The following GDAP2 variants were observed in gnomAD, a reference collection of about 807,000 sequenced individuals.
GDAP2 encodes ganglioside induced differentiation associated protein 2.
GDAP2 carries 51 observed loss-of-function variants against 67.0 expected under a neutral mutation model. That is an observed-to-expected ratio of 0.76 (90% CI 0.61 to 0.96). GDAP2 has a LOEUF of 0.96. GDAP2 is among the 40% of genes least tolerant of loss of function. The probability of loss-of-function intolerance (pLI) is 0.00; values close to 1 mark genes in which losing one functional copy is unlikely to be tolerated. For missense variants in GDAP2, 547 were observed against 588.3 expected (o/e 0.93, Z 0.73); for synonymous variants, 203 against 207.3 (o/e 0.98, Z 0.18).
In GDAP2 at chr1:117,873,618, T is replaced by C. The variant is rs569648328; in HGVS notation, c.1447-3002A>G. 8.5e-5 allele frequency among the ~76,000 whole-genome samples: 13 copies of C among 152,228 alleles called. No individual in the cohort carries two copies. The East Asian group carries it at 2.1e-3, about 25-fold the overall frequency. On this transcript the variant is annotated intron_variant, in intron 13 of 13. Coordinates refer to ENST00000369443, the MANE Select transcript of GDAP2 (RefSeq NM_017686.4). ...GCAGCTACCTACTGGTATCTCCATT[T>C]CAATGACTGATGGGGCATCTCAAAC... is the stretch of plus-strand genomic sequence containing the variant.
rs1648747580 is a variant in GDAP2 at position 117,883,627 on chromosome 1, C to A, written c.1108G>T (p.Ala370Ser). 4.4e-6 allele frequency: 7 copies of A among 1,593,906 alleles called. No individual in the cohort carries two copies. The highest frequency in any genetic ancestry group is 1.3e-5 in the African/African-American group (1 of 74,364). The change falls in exon 11 of 14, where the codon GCT (alanine) becomes TCT (serine). Residue 370 changes from alanine (A) to serine (S), a missense_variant and splice_region_variant. Coordinates refer to ENST00000369443, the MANE Select transcript of GDAP2 (RefSeq NM_017686.4). ...ATTACATGAATGAAATATAAGAGAG[C>A]CTAAAAGATAAAAGGGGAATAAAGG... ...IPVTLIDMDK[A>S]LLYFIHVMDH...
intron 13 of GDAP2, among the ~76,000 whole-genome samples, chr1:117,872,503 T>C (rs1648325237): frequency 1.3e-5 from 2 of 152,144 alleles, no homozygotes; most frequent in Admixed American, 1.3e-4. Flanking sequence ...TGGAATACTA[T>C]GTAGCCATAA....
chr1:117,892,862 T>C (rs889413482), intron 8 of GDAP2, among the ~76,000 whole-genome samples: 1 of 152,172 alleles, frequency 6.6e-6, no homozygotes, highest in African/African-American at 2.4e-5. Context: ...AATTCTGTCT[T>C]TGGAATTAGC....
At chr1:117,918,896 A>G (rs1650143155) in intron 2 of GDAP2, among the ~76,000 whole-genome samples, 160 bp from the exon 3 acceptor site, 1 of 149,644 alleles carries the variant, frequency 6.7e-6, no homozygotes, top group Non-Finnish European at 1.5e-5. Flanking sequence ...GACTTAAAAA[A>G]CAATCTGGCA....
At position 117,897,258 on chromosome 1, in the gene GDAP2, T is replaced by C. The variant is rs954685102; in HGVS notation, c.797-269A>G. ...ACCCTAGGAAGAAAAGAGTAGAATG[T>C]AGTCACACACAAAAAGACAGAAGTA... On this transcript the variant is annotated intron_variant, in intron 7 of 13. Coordinates refer to ENST00000369443, the MANE Select transcript of GDAP2 (RefSeq NM_017686.4). 4.6e-5 allele frequency among the ~76,000 whole-genome samples: 7 copies of C among 152,224 alleles called. No individual in the cohort carries two copies. The East Asian group carries it at 7.7e-4, about 17-fold the overall frequency.
rs780053191 is a variant in GDAP2 at position 117,881,818 on chromosome 1, T to C, written c.1302+5A>G. The C allele has an allele frequency of 6.8e-7, 1 of 1,478,620 alleles. No homozygotes were observed. The highest frequency in any genetic ancestry group is 1.7e-5 in the Admixed American group (1 of 59,764). The allele number at this position is 1,478,620 out of a possible 1,614,324, so 91.6% of individuals were successfully genotyped here. A position where few individuals can be genotyped will look rare whatever the true frequency, so the allele number is the denominator to read the frequency against. ...TAGATTTAACCAAAGAGAAAAATAC[T>C]GTACCTTTGAACGAAATGTGGGATG... On this transcript the variant is annotated splice_donor_5th_base_variant and intron_variant, in intron 12 of 13. Transcript: ENST00000369443.
chr1:117,886,591 T>C lies in GDAP2; in HGVS notation c.1093A>G (p.Ile365Val). 6.5e-7 allele frequency: 1 copy of C among 1,547,392 alleles called. No individual in the cohort carries two copies. The highest frequency in any genetic ancestry group is 8.9e-7 in the Non-Finnish European group (1 of 1,119,446). ...VVGRNIPVTL[I>V]DMDKALLYFI... Reference sequence around the variant, plus strand: ...TTATGGCTTACCTTGTCCATATCTATTAATGTTACAGGAATGTTTCTTCCA... The same window carrying C: ...TTATGGCTTACCTTGTCCATATCTACTAATGTTACAGGAATGTTTCTTCCA... The change falls in exon 10 of 14, where the codon ATA becomes GTA. Residue 365 changes from isoleucine to valine, a missense_variant. Ile to Val is a conservative substitution (Grantham distance 29). Coordinates refer to ENST00000369443, the MANE Select transcript of GDAP2 (RefSeq NM_017686.4).
chr1:117,873,172 T>C (rs1377537912), intron 13 of GDAP2, among the ~76,000 whole-genome samples: 1 of 152,206 alleles, frequency 6.6e-6, no homozygotes, highest in Non-Finnish European at 1.5e-5. Flanking sequence ...TTTCTATTTC[T>C]GGAAACAATC....
chr1:117,918,935 C>T (rs1335666775), intron 2 of GDAP2, among the ~76,000 whole-genome samples, 199 bp from the exon 3 acceptor site: 1 of 152,090 alleles, frequency 6.6e-6, no homozygotes, highest in Non-Finnish European at 1.5e-5. Context: ...ATTGTTATAA[C>T]CCTGAAACTC....
intron 4 of GDAP2, 42 bp from the exon 5 acceptor site, chr1:117,912,124 A>C: frequency 9.3e-7 from 1 of 1,070,240 alleles, no homozygotes; most frequent in Non-Finnish European, 1.5e-6. Flanking sequence ...TAGAAATATC[A>C]GTAATACATA....
intron 13 of GDAP2, chr1:117,877,397 C>A: frequency 1.2e-5 from 10 of 829,862 alleles, no homozygotes; most frequent in Non-Finnish European, 1.4e-5. Context: ...AAGTGTGTTA[C>A]TTTTTTTTTT....
At chr1:117,910,391 T>C (rs1005222153) in intron 5 of GDAP2, among the ~76,000 whole-genome samples, 1 of 152,138 alleles carries the variant, frequency 6.6e-6, no homozygotes, top group African/African-American at 2.4e-5. Flanking sequence ...GATAAAAAGA[T>C]AAGATCCCTG....
At chr1:117,898,251 A>ATAC (rs1458242555) in intron 7 of GDAP2, among the ~76,000 whole-genome samples, 2 of 152,238 alleles carry the variant, frequency 1.3e-5, no homozygotes, top group Non-Finnish European at 2.9e-5. Context: ...TTTCAAGGAT[A>ATAC]TACTATACTG....
Position 117,899,153 on chromosome 1 carries a change from A to G in GDAP2, c.700T>C (p.Leu234=). ...PRSLKEENRS[L]PYLPADIGNA... ...CCAATATCTGCAGGTAGGTAGGGCAATGATCGATTCTCCTCTTTTAATGAC... is the reference window on the plus strand; with the variant it reads ...CCAATATCTGCAGGTAGGTAGGGCAGTGATCGATTCTCCTCTTTTAATGAC... Residue 234 remains leucine, a synonymous_variant, in exon 7 of 14, where the codon TTG becomes CTG. Coordinates refer to ENST00000369443, the MANE Select transcript of GDAP2 (RefSeq NM_017686.4). The G allele has an allele frequency of 1.2e-6, 2 of 1,610,518 alleles. No individual in the cohort carries two copies. Among genetic ancestry groups the G allele is most frequent in the Non-Finnish European group, 1.7e-6 (2 of 1,176,746 alleles).
chr1:117,902,932 T>C (rs1225360800), intron 6 of GDAP2, among the ~76,000 whole-genome samples: 1 of 152,216 alleles, frequency 6.6e-6, no homozygotes, highest in East Asian at 1.9e-4. Context: ...TTTTTAACAT[T>C]TTCTTTCAAA....
At chr1:117,903,928 A>G (rs1649569839) in intron 6 of GDAP2, among the ~76,000 whole-genome samples, 1 of 152,156 alleles carries the variant, frequency 6.6e-6, no homozygotes, top group South Asian at 2.1e-4. Flanking sequence ...CTGAGTCTTC[A>G]GACAACAATA....
chr1:117,871,040 T>C lies in GDAP2; in HGVS notation c.1447-424A>G, dbSNP rs115360933. ...ATTTAAATTCAAATCTATTTAAATCTAACATCCAGATTCTTTTTTGTTAGA... is the reference window on the plus strand; with the variant it reads ...ATTTAAATTCAAATCTATTTAAATCCAACATCCAGATTCTTTTTTGTTAGA... On this transcript the variant is annotated intron_variant, in intron 13 of 13. Transcript: ENST00000369443. Among the ~76,000 whole-genome samples, 493 of 152,332 alleles carry C rather than the reference T, an allele frequency of 3.2e-3. 3 individuals carry two copies. The highest frequency in any genetic ancestry group is 0.011 in the African/African-American group (478 of 41,578).
At chr1:117,909,574 G>A (rs1649778873) in intron 5 of GDAP2, among the ~76,000 whole-genome samples, 1 of 152,120 alleles carries the variant, frequency 6.6e-6, no homozygotes, top group Non-Finnish European at 1.5e-5. Context: ...CCAAATGCTT[G>A]ATAAAGTATT....
At chr1:117,875,935 G>A (rs192300452) in intron 13 of GDAP2, among the ~76,000 whole-genome samples, 3 of 152,242 alleles carry the variant, frequency 2.0e-5, no homozygotes, top group Admixed American at 1.3e-4. Flanking sequence ...AACTTGCCTT[G>A]AGTCTCCAGA....
Sources: gnomAD v4.1 joint callset for allele counts (sites outside exome capture counted in the v4.1 genomes callset) on GRCh38, gnomAD v4.1.1 for gene constraint, MANE v1.5 for transcripts, NCBI Gene and HGNC (gene_info 2026-07-23, HGNC 2026-07-21) for gene names.